AAGAB: variants seen among roughly 807,000 people sequenced by gnomAD.
AAGAB encodes the protein alpha and gamma adaptin binding protein.
AAGAB carries 38 observed loss-of-function variants against 44.1 expected under a neutral mutation model. That is an observed-to-expected ratio of 0.86 (90% CI 0.67 to 1.13). The LOEUF (loss-of-function observed/expected upper bound fraction) is 1.13. Ranked by LOEUF, AAGAB falls within the 50% of genes most tolerant of loss-of-function variation. The pLI is 0.00. For synonymous variants in AAGAB, 131 were observed against 131.8 expected (o/e 0.99, Z 0.04); for missense variants, 450 against 373.8 (o/e 1.20, Z -1.68).
At chr15:67,203,657 T>C (rs1963619610) in intron 8 of AAGAB, 60 bp from the exon 9 acceptor site, 2 of 1,389,630 alleles carry the variant, frequency 1.4e-6, no homozygotes, top group African/African-American at 1.4e-5. Context: ...CTGGAGTATA[T>C]GAATAACACT....
At chr15:67,254,775 G>T (rs1965046788), upstream of AAGAB, 1 of 1,322,330 alleles carries the variant, frequency 7.6e-7, no homozygotes, top group Non-Finnish European at 1.1e-6. Context: ...ACCCCCTTCC[G>T]CTCCCAGCGT....
intron 5 of AAGAB, among the ~76,000 whole-genome samples, chr15:67,210,245 G>A (rs67486165): frequency 0.21 from 32,513 of 152,194 alleles, 4,142 homozygotes; most frequent in East Asian, 0.47. Context: ...GGCTGGGAGC[G>A]GTGGCTCACG....
chr15:67,221,501 T>C (rs1964063703), intron 5 of AAGAB, among the ~76,000 whole-genome samples: 1 of 152,244 alleles, frequency 6.6e-6, no homozygotes, highest in South Asian at 2.1e-4. Context: ...AAGGATGCTA[T>C]AGAAGCCATT....
At chr15:67,251,614 A>C (rs1452569801) in intron 1 of AAGAB, among the ~76,000 whole-genome samples, 1 of 152,182 alleles carries the variant, frequency 6.6e-6, no homozygotes, top group Non-Finnish European at 1.5e-5. Context: ...TGGTGGTTAA[A>C]AGCACTAAGA....
At chr15:67,204,387 G>A (rs570655982) in intron 7 of AAGAB, among the ~76,000 whole-genome samples, 1 of 152,270 alleles carries the variant, frequency 6.6e-6, no homozygotes, top group African/African-American at 2.4e-5. Flanking sequence ...CCATTTTAAA[G>A]ATGAGAAAAC....
chr15:67,216,838 A>G (rs1340763159), intron 5 of AAGAB, among the ~76,000 whole-genome samples: 2 of 152,202 alleles, frequency 1.3e-5, no homozygotes, highest in Admixed American at 6.5e-5. Context: ...AAGTACTAAA[A>G]AAGTTTTTTC....
chr15:67,212,012 C>T (rs4412926), intron 5 of AAGAB, among the ~76,000 whole-genome samples: 103,038 of 151,930 alleles, frequency 0.68, 35,496 homozygotes, highest in Middle Eastern at 0.82. Context: ...CCCGAGTAGC[C>T]GGGACTACAG....
Position 67,236,655 on chromosome 15 carries a change from A to T in AAGAB, c.239T>A (p.Phe80Tyr). 6.2e-7 allele frequency: 1 copy of T among 1,613,648 alleles called. No homozygotes were observed. Among genetic ancestry groups the T allele is most frequent in the Non-Finnish European group, 8.5e-7 (1 of 1,179,896 alleles). ...TTGTGTGCTGTCAAAGTAAACCACA[A>T]ATGCTTGGACAGATTCTGCAATCTC... ...TAEIAESVQA[F>Y]VVYFDSTQKS... Residue 80 changes from phenylalanine (F) to tyrosine (Y), a missense_variant, in exon 2 of 10, where the codon TTT (phenylalanine) becomes TAT (tyrosine). Coordinates refer to ENST00000261880, the MANE Select transcript of AAGAB (RefSeq NM_024666.5).
intron 1 of AAGAB, among the ~76,000 whole-genome samples, chr15:67,245,705 T>A (rs538543974): frequency 6.6e-6 from 1 of 152,314 alleles, no homozygotes; most frequent in African/African-American, 2.4e-5. Context: ...CACATAATAT[T>A]TTAGGTACTT....
chr15:67,236,663 G>A lies in AAGAB; in HGVS notation c.231C>T (p.Val77=). Residue 77 remains valine (V), a synonymous_variant, in exon 2 of 10, where the codon GTC becomes GTT. Transcript: ENST00000261880. Reference sequence around the variant, plus strand: ...TGTCAAAGTAAACCACAAATGCTTGGACAGATTCTGCAATCTCTGCAGTAA... The same window carrying A: ...TGTCAAAGTAAACCACAAATGCTTGAACAGATTCTGCAATCTCTGCAGTAA... ...FLVTAEIAES[V]QAFVVYFDST... The A allele has an allele frequency of 6.2e-7, 1 of 1,614,012 alleles. No individual in the cohort carries two copies. Among genetic ancestry groups the A allele is most frequent in the Non-Finnish European group, 8.5e-7 (1 of 1,179,972 alleles).
At chr15:67,246,682 G>C (rs990877180) in intron 1 of AAGAB, among the ~76,000 whole-genome samples, 4 of 150,884 alleles carry the variant, frequency 2.7e-5, no homozygotes, top group Admixed American at 2.0e-4. Context: ...TCTAGCTAAA[G>C]GATTGTAAAT....
chr15:67,233,154 T>C (rs904525337), intron 4 of AAGAB, among the ~76,000 whole-genome samples: 4 of 152,236 alleles, frequency 2.6e-5, no homozygotes, highest in South Asian at 2.1e-4. Flanking sequence ...TGCTCTATCC[T>C]GTGCTGGAAA....
At chr15:67,204,170 T>C (rs1411339439) in intron 7 of AAGAB, 22 bp from the exon 8 acceptor site, 2 of 1,502,688 alleles carry the variant, frequency 1.3e-6, no homozygotes, top group South Asian at 2.3e-5. Context: ...ATTTGTCACA[T>C]TATCTGTCAC....
intron 1 of AAGAB, among the ~76,000 whole-genome samples, chr15:67,247,621 T>G (rs1021385097): frequency 6.6e-6 from 1 of 152,140 alleles, no homozygotes; most frequent in African/African-American, 2.4e-5. Context: ...CACCCCCTCA[T>G]TTACGGTATG....
chr15:67,252,082 G>A (rs1964885323), intron 1 of AAGAB, among the ~76,000 whole-genome samples: 1 of 152,096 alleles, frequency 6.6e-6, no homozygotes, highest in Non-Finnish European at 1.5e-5. Flanking sequence ...TTTATATACA[G>A]AGATAAAATG....
chr15:67,222,242 G>GCGCGCACACACACACA (rs1367738219), intron 5 of AAGAB, among the ~76,000 whole-genome samples: 20 of 90,038 alleles, frequency 2.2e-4, no homozygotes, highest in African/African-American at 3.4e-4. Flanking sequence ...GCGCGCGCGC[G>GCGCGCACACACACACA]CACACACACA....
intron 5 of AAGAB, among the ~76,000 whole-genome samples, chr15:67,216,442 G>GAA (rs60381455): frequency 7.7e-5 from 4 of 52,158 alleles, no homozygotes; most frequent in Non-Finnish European, 1.3e-4. Context: ...ACTCACTCTT[G>GAA]AAAAAAAAAA....
chr15:67,223,722 G>C (rs80264185), intron 5 of AAGAB, among the ~76,000 whole-genome samples: 1,587 of 152,178 alleles, frequency 0.01, 26 homozygotes, highest in African/African-American at 0.037. Flanking sequence ...TCAACAACCT[G>C]CAACAGTCCC....
Position 67,242,172 on chromosome 15 carries a change from C to T in AAGAB, c.74-5352G>A, listed in dbSNP as rs1456683603. On this transcript the variant is annotated intron_variant, in intron 1 of 9. Coordinates refer to ENST00000261880, the MANE Select transcript of AAGAB (RefSeq NM_024666.5). ...GGCGCGGTGGCTCACGCCTGTAATC[C>T]CAGCACTTTGGGAGGCCGAGGCGGG... is the stretch of plus-strand genomic sequence containing the variant. Among the ~76,000 whole-genome samples, 4 of 94,584 alleles carry T rather than the reference C, an allele frequency of 4.2e-5. 1 individual carries two copies. The highest frequency in any genetic ancestry group is 6.0e-5 in the African/African-American group (2 of 33,130). The allele number at this position is 94,584 out of a possible 152,430, so 62.1% of individuals were successfully genotyped here. A position where few individuals can be genotyped will look rare whatever the true frequency, so the allele number is the denominator to read the frequency against.
Sources: allele counts gnomAD v4.1 joint callset (sites outside exome capture counted in the v4.1 genomes callset), GRCh38; gene constraint gnomAD v4.1.1; transcripts MANE v1.5; gene names NCBI Gene and HGNC (gene_info 2026-07-23, HGNC 2026-07-21).